ELF5: variants seen among roughly 807,000 people sequenced by gnomAD.
ELF5 encodes ETS-related transcription factor Elf-5.
A neutral mutation model predicts 38.2 loss-of-function variants in ELF5; 31 were observed. The observed-to-expected ratio is 0.81, with a 90% CI of 0.61 to 1.10. The LOEUF (loss-of-function observed/expected upper bound fraction) is 1.10. Ranked by LOEUF, ELF5 falls within the 50% of genes least tolerant of loss-of-function variation. The pLI is 0.00. For missense variants in ELF5, 300 were observed against 306.6 expected (o/e 0.98, Z 0.16); for synonymous variants, 121 against 112.5 (o/e 1.08, Z -0.48).
chr11:34,508,724 T>G (rs7106007), intron 1 of ELF5, among the ~76,000 whole-genome samples: 1 of 152,122 alleles, frequency 6.6e-6, no homozygotes, highest in Non-Finnish European at 1.5e-5. Context: ...TGGAAGATAC[T>G]GAGTTAGTCC....
At chr11:34,509,450 A>G (rs949096155) in intron 1 of ELF5, among the ~76,000 whole-genome samples, 3 of 151,964 alleles carry the variant, frequency 2.0e-5, no homozygotes, top group African/African-American at 7.3e-5. Context: ...GAGTTTCCAG[A>G]CTCTGCTGGG....
chr11:34,481,588 T>C (rs1590318667), intron 5 of ELF5, among the ~76,000 whole-genome samples: 1 of 152,220 alleles, frequency 6.6e-6, no homozygotes, highest in African/African-American at 2.4e-5. Context: ...GACAGTCAAA[T>C]GATCTTTTCA....
At chr11:34,490,274 A>T (rs957806937) in intron 3 of ELF5, among the ~76,000 whole-genome samples, 3 of 152,118 alleles carry the variant, frequency 2.0e-5, no homozygotes, top group African/African-American at 4.8e-5. Context: ...GGTCATTTGG[A>T]GGGAGCACCC....
intron 4 of ELF5, among the ~76,000 whole-genome samples, chr11:34,486,491 T>A (rs1849999878): frequency 6.6e-6 from 1 of 151,868 alleles, no homozygotes; most frequent in Non-Finnish European, 1.5e-5. Context: ...ACTTGAGGAG[T>A]TTCCAGGCCT....
At chr11:34,483,799 A>G (rs1856996239) in intron 4 of ELF5, among the ~76,000 whole-genome samples, 1 of 151,948 alleles carries the variant, frequency 6.6e-6, no homozygotes, top group South Asian at 2.1e-4. Flanking sequence ...GTACTGTAGT[A>G]TACCATGACA....
chr11:34,505,781 G>A (rs2133900733), intron 1 of ELF5, 28 bp from the exon 2 acceptor site: 2 of 1,608,364 alleles, frequency 1.2e-6, no homozygotes, highest in Admixed American at 1.7e-5. Context: ...GTCGTGAGGA[G>A]GCTGGGGTGA....
At chr11:34,496,269 C>G (rs1445385037) in intron 2 of ELF5, among the ~76,000 whole-genome samples, 2 of 152,250 alleles carry the variant, frequency 1.3e-5, no homozygotes, top group Admixed American at 6.5e-5. Context: ...TGTGTGCGGC[C>G]TCGGCCCCTG....
chr11:34,481,948 A>G (rs1308862391), intron 5 of ELF5, among the ~76,000 whole-genome samples: 2 of 152,350 alleles, frequency 1.3e-5, no homozygotes, highest in Admixed American at 1.3e-4. Context: ...TTGTGAAATT[A>G]CAAGCTTGAC....
intron 1 of ELF5, among the ~76,000 whole-genome samples, chr11:34,510,228 C>T (rs544913887): frequency 7.9e-5 from 12 of 152,004 alleles, no homozygotes; most frequent in African/African-American, 2.7e-4. Context: ...AAAGGGCCTT[C>T]TCAGGTGTAC....
chr11:34,485,123 A>C (rs748112450), intron 4 of ELF5, among the ~76,000 whole-genome samples: 1 of 152,202 alleles, frequency 6.6e-6, no homozygotes, highest in African/African-American at 2.4e-5. Context: ...TTTCAAACTT[A>C]TAACAACCCT....
chr11:34,504,855 G>C (rs1309776134), intron 2 of ELF5, among the ~76,000 whole-genome samples: 2 of 152,222 alleles, frequency 1.3e-5, no homozygotes, highest in Non-Finnish European at 2.9e-5. Context: ...TCCAGGCTGA[G>C]AAAGAGGAGG....
At chr11:34,508,123 T>C (rs1192652308) in intron 1 of ELF5, among the ~76,000 whole-genome samples, 3 of 152,242 alleles carry the variant, frequency 2.0e-5, no homozygotes, top group South Asian at 2.1e-4. Flanking sequence ...AAATGGTTCA[T>C]GCGCCACCTA....
At chr11:34,480,731 C>A in intron 6 of ELF5, 41 bp downstream of exon 6, 2 of 1,599,420 alleles carry the variant, frequency 1.3e-6, no homozygotes, top group Non-Finnish European at 1.7e-6. Flanking sequence ...TTGTATATAA[C>A]TCTTCTTGAA....
At chr11:34,486,230 G>A (rs906941365) in intron 4 of ELF5, among the ~76,000 whole-genome samples, 3 of 152,126 alleles carry the variant, frequency 2.0e-5, no homozygotes, top group Non-Finnish European at 4.4e-5. Flanking sequence ...TCAGGAGCAG[G>A]GAGGTGCCTG....
In ELF5 at chr11:34,480,977, AG is replaced by A; in HGVS notation, c.476-11del. ...TGAGAACTTTGGAGGCCTTTTGAAA[AG>A]GGGAAAACATTAACTATTTACCATT... is the stretch of plus-strand genomic sequence containing the variant. On this transcript the variant is annotated splice_polypyrimidine_tract_variant and intron_variant, in intron 5 of 6. Transcript: ENST00000257832. 1 of 1,575,664 alleles carries A rather than the reference AG, an allele frequency of 6.3e-7. No individual in the cohort carries two copies.
intron 2 of ELF5, among the ~76,000 whole-genome samples, chr11:34,497,842 C>T (rs1850354096): frequency 6.6e-6 from 1 of 152,218 alleles, no homozygotes; most frequent in Non-Finnish European, 1.5e-5. Flanking sequence ...TCCTGGCCAT[C>T]ACTTTGTGAT....
At chr11:34,482,972 C>G (rs1203601599) in intron 4 of ELF5, among the ~76,000 whole-genome samples, 1 of 152,036 alleles carries the variant, frequency 6.6e-6, no homozygotes, top group Non-Finnish European at 1.5e-5. Context: ...ACCTGAGACA[C>G]CAGGACAAGC....
chr11:34,511,590 G>A, intron 1 of ELF5: 1 of 1,614,206 alleles, frequency 6.2e-7, no homozygotes, highest in Non-Finnish European at 8.5e-7. Flanking sequence ...GTCCCCAGAT[G>A]CCTCCAGTGG....
At chr11:34,498,001 G>A (rs1309103828) in intron 2 of ELF5, among the ~76,000 whole-genome samples, 1 of 152,156 alleles carries the variant, frequency 6.6e-6, no homozygotes, top group East Asian at 1.9e-4. Flanking sequence ...TGTTTTACTG[G>A]GAGTGGAGGT....
Sources: allele counts gnomAD v4.1 joint callset (sites outside exome capture counted in the v4.1 genomes callset), GRCh38; gene constraint gnomAD v4.1.1; transcripts MANE v1.5; gene names NCBI Gene and HGNC (gene_info 2026-07-23, HGNC 2026-07-21).